Variants in LINGO2 observed in about 807,000 individuals in gnomAD.
LINGO2 encodes leucine rich repeat and Ig domain containing 2.
LINGO2 carries 14 observed loss-of-function variants against 30.6 expected under a neutral mutation model. The observed-to-expected ratio is 0.46, with a 90% CI of 0.30 to 0.72. The LOEUF is 0.72. LINGO2 is among the 30% of genes least tolerant of loss of function. LINGO2 has a pLI of 0.07. For synonymous variants in LINGO2, 317 were observed against 288.5 expected (o/e 1.10, Z -1.00); for missense variants, 729 against 751.7 (o/e 0.97, Z 0.35).
the LINGO2 span, among the ~76,000 whole-genome samples, chr9:28,717,099 G>A: frequency 1.2e-4 from 18 of 152,010 alleles, no homozygotes; most frequent in African/African-American, 4.3e-4. Context: ...CCCCCAAGTA[G>A]GTGAAGGCTC....
At chr9:29,046,358 G>A in the LINGO2 span, among the ~76,000 whole-genome samples, 34 of 152,090 alleles carry the variant, frequency 2.2e-4, no homozygotes, top group Admixed American at 1.6e-3. Context: ...ACTACTATAT[G>A]TCTACAGTAA....
the LINGO2 span, among the ~76,000 whole-genome samples, chr9:28,915,934 GA>G: frequency 1.3e-5 from 2 of 152,076 alleles, no homozygotes; most frequent in African/African-American, 4.8e-5. Flanking sequence ...AAACGGTCGC[GA>G]ATTTCTGGCT....
the LINGO2 span, among the ~76,000 whole-genome samples, chr9:28,922,292 A>G: frequency 6.6e-6 from 1 of 152,218 alleles, no homozygotes; most frequent in Non-Finnish European, 1.5e-5. Context: ...CTTGTGACAG[A>G]AAGAATTCTA....
At chr9:28,172,369 C>T (rs952684915) in intron 4 of LINGO2, among the ~76,000 whole-genome samples, 4 of 146,898 alleles carry the variant, frequency 2.7e-5, no homozygotes, top group African/African-American at 1.0e-4. Flanking sequence ...CCAGCCTGGG[C>T]GACAGAGCGA....
chr9:28,392,014 C>A (rs1262358836), intron 2 of LINGO2, among the ~76,000 whole-genome samples: 2 of 152,070 alleles, frequency 1.3e-5, no homozygotes, highest in Non-Finnish European at 2.9e-5. Flanking sequence ...ACCATGCTGG[C>A]CAACATGGTG....
At chr9:29,007,477 G>A in the LINGO2 span, among the ~76,000 whole-genome samples, 1 of 152,054 alleles carries the variant, frequency 6.6e-6, no homozygotes, top group Non-Finnish European at 1.5e-5. Flanking sequence ...GCAGATGTTG[G>A]CAGTGCACCT....
intron 4 of LINGO2, among the ~76,000 whole-genome samples, chr9:28,198,830 C>T (rs10968384): frequency 0.19 from 28,479 of 151,984 alleles, 3,340 homozygotes; most frequent in Non-Finnish European, 0.25. Flanking sequence ...TACAATCTCA[C>T]GGAAATTTAG....
chr9:28,581,790 A>C (rs1426692801), intron 1 of LINGO2, among the ~76,000 whole-genome samples: 3 of 151,874 alleles, frequency 2.0e-5, no homozygotes, highest in African/African-American at 7.2e-5. Flanking sequence ...ATATTAAATA[A>C]TTTTCTAATG....
the LINGO2 span, among the ~76,000 whole-genome samples, chr9:29,121,987 A>C: frequency 6.6e-6 from 1 of 152,126 alleles, no homozygotes; most frequent in Non-Finnish European, 1.5e-5. Flanking sequence ...AGTAAGTATC[A>C]GAAGAAAAAG....
At chr9:29,072,573 C>T in the LINGO2 span, among the ~76,000 whole-genome samples, 1 of 142,512 alleles carries the variant, frequency 7.0e-6, no homozygotes, top group Non-Finnish European at 1.6e-5. Context: ...TCTCAAGGAT[C>T]CTAATAATTA....
the LINGO2 span, among the ~76,000 whole-genome samples, chr9:28,820,242 A>C: frequency 7.5e-6 from 1 of 133,192 alleles, no homozygotes; most frequent in Non-Finnish European, 1.6e-5. Flanking sequence ...GCTGGAGAAA[A>C]GATGAAAAAA....
exon 4 of LINGO2, chr9:28,295,232 A>C (rs1427078985): frequency 6.6e-6 from 1 of 152,586 alleles, no homozygotes; most frequent in Non-Finnish European, 1.5e-5. Context: ...TGAAAAATCC[A>C]ACCCTTGCCG....
chr9:28,531,619 G>A (rs1293796678), intron 1 of LINGO2, among the ~76,000 whole-genome samples: 2 of 152,048 alleles, frequency 1.3e-5, no homozygotes, highest in African/African-American at 4.8e-5. Context: ...ACTGATAAAA[G>A]ATCAGATCAG....
At chr9:28,289,947 G>A (rs1823657145) in intron 4 of LINGO2, among the ~76,000 whole-genome samples, 1 of 152,114 alleles carries the variant, frequency 6.6e-6, no homozygotes. Flanking sequence ...ATTCCTCCTG[G>A]CTCACTGATG....
intron 4 of LINGO2, among the ~76,000 whole-genome samples, chr9:28,143,246 A>T (rs1169614206): frequency 1.3e-5 from 2 of 152,224 alleles, no homozygotes; most frequent in Non-Finnish European, 1.5e-5. Context: ...ATAGTTAAAC[A>T]GTCTGAATTT....
intron 5 of LINGO2, among the ~76,000 whole-genome samples, chr9:27,980,117 T>C (rs941234878): frequency 2.6e-5 from 4 of 151,870 alleles, no homozygotes; most frequent in Non-Finnish European, 5.9e-5. Context: ...TTTGCCTTGA[T>C]ACTGAGAAAG....
intron 3 of LINGO2, among the ~76,000 whole-genome samples, chr9:28,353,952 G>A (rs1054077415): frequency 1.3e-5 from 2 of 152,182 alleles, no homozygotes; most frequent in South Asian, 2.1e-4. Context: ...GAATTGAACA[G>A]TGAGATCACA....
At chr9:28,317,028 A>C (rs553817363) in intron 3 of LINGO2, among the ~76,000 whole-genome samples, 1 of 152,272 alleles carries the variant, frequency 6.6e-6, no homozygotes, top group Non-Finnish European at 1.5e-5. Context: ...CCTTATGTTG[A>C]AGAGGTTAAC....
intron 4 of LINGO2, among the ~76,000 whole-genome samples, chr9:28,050,488 A>G (rs940109840): frequency 1.3e-5 from 2 of 151,062 alleles, no homozygotes; most frequent in Non-Finnish European, 2.9e-5. Flanking sequence ...AACCACTGGG[A>G]AACAGTTCAA....
Sources: allele counts gnomAD v4.1 joint callset (sites outside exome capture counted in the v4.1 genomes callset), GRCh38; gene constraint gnomAD v4.1.1; transcripts MANE v1.5; gene names NCBI Gene and HGNC (gene_info 2026-07-23, HGNC 2026-07-21).